Variants in KIF13B observed in about 807,000 individuals in gnomAD.
KIF13B encodes the protein kinesin family member 13B.
KIF13B carries 127 observed loss-of-function variants against 222.0 expected under a neutral mutation model. The ratio of observed to expected loss-of-function variants is 0.57; its 90% CI spans 0.50 to 0.66. The LOEUF (loss-of-function observed/expected upper bound fraction) is 0.66. KIF13B is among the 30% of genes least tolerant of loss of function. The pLI, the probability that KIF13B is intolerant of heterozygous loss-of-function variation, is 0.00. For synonymous variants in KIF13B, 976 were observed against 919.0 expected (o/e 1.06, Z -1.12); for missense variants, 2,173 against 2,379.0 (o/e 0.91, Z 1.80).
At chr8:29,262,279 G>T (rs904103197) in intron 1 of KIF13B, among the ~76,000 whole-genome samples, 4 of 152,216 alleles carry the variant, frequency 2.6e-5, no homozygotes, top group African/African-American at 9.6e-5. Flanking sequence ...GAGAATGTCA[G>T]AAAGATACAA....
At position 29,140,264 on chromosome 8, in the gene KIF13B, C is replaced by A; in HGVS notation, c.2485-73G>T. On this transcript the variant is annotated intron_variant, in intron 20 of 39. Coordinates refer to ENST00000524189, the MANE Select transcript of KIF13B (RefSeq NM_015254.4). The stretch of plus-strand genomic sequence containing the variant: ...GCTCCCTTGAGATGACCTCTCTTCT[C>A]TTTTACAGTCAAGTTGTCAGGTTAA... 3 of 1,580,408 alleles carry A rather than the reference C, an allele frequency of 1.9e-6. 1 individual carries two copies. In the South Asian group the frequency reaches 3.5e-5, roughly 18 times the overall value.
chr8:29,247,255 G>A (rs780775558), intron 1 of KIF13B, among the ~76,000 whole-genome samples: 1 of 152,116 alleles, frequency 6.6e-6, no homozygotes, highest in Non-Finnish European at 1.5e-5. Context: ...AGGTATGGTG[G>A]TACATACCTA....
intron 18 of KIF13B, 76 bp downstream of exon 18, chr8:29,146,302 C>G (rs780069768): frequency 6.0e-6 from 9 of 1,493,118 alleles, no homozygotes; most frequent in Non-Finnish European, 7.5e-6. Context: ...GGATCTGAAG[C>G]TTAAATAACA....
chr8:29,208,451 G>A (rs1379381020), intron 2 of KIF13B, among the ~76,000 whole-genome samples: 1 of 152,140 alleles, frequency 6.6e-6, no homozygotes, highest in African/African-American at 2.4e-5. Context: ...GGCCTCAGTG[G>A]GTCTGTGAAT....
At position 29,165,658 on chromosome 8, in the gene KIF13B, G is replaced by A. The variant is rs757242285; in HGVS notation, c.1269+4C>T. On this transcript the variant is annotated splice_donor_region_variant and intron_variant, in intron 12 of 39. Coordinates refer to ENST00000524189, the MANE Select transcript of KIF13B (RefSeq NM_015254.4). ...CATGCGCTTCATCATCAGGAAACACGAACCTGTGCAATCTCCTCCGTTTTC... is the reference window on the plus strand; with the variant it reads ...CATGCGCTTCATCATCAGGAAACACAAACCTGTGCAATCTCCTCCGTTTTC... The A allele has an allele frequency of 6.9e-6, 11 of 1,583,718 alleles. No individual in the cohort carries two copies. Among genetic ancestry groups the A allele is most frequent in the East Asian group, 2.2e-5 (1 of 44,760 alleles).
chr8:29,107,807 T>G (rs558867615), intron 35 of KIF13B, among the ~76,000 whole-genome samples: 21 of 152,100 alleles, frequency 1.4e-4, no homozygotes, highest in South Asian at 8.3e-4. Context: ...TGATCCGCCC[T>G]CCTTGGCCTC....
At chr8:29,169,508 G>A (rs999642725) in intron 10 of KIF13B, among the ~76,000 whole-genome samples, 1 of 152,144 alleles carries the variant, frequency 6.6e-6, no homozygotes. Flanking sequence ...GATTCCTAAG[G>A]TGTTACTAAA....
intron 2 of KIF13B, among the ~76,000 whole-genome samples, chr8:29,243,260 T>C (rs557612841): frequency 2.6e-5 from 4 of 151,620 alleles, no homozygotes; most frequent in South Asian, 2.1e-4. Flanking sequence ...GTCAGGAGAA[T>C]TGGTTGAACC....
chr8:29,195,405 C>T (rs1416084743), intron 3 of KIF13B, among the ~76,000 whole-genome samples: 4 of 151,944 alleles, frequency 2.6e-5, no homozygotes, highest in Admixed American at 2.0e-4. Flanking sequence ...GTCATTCAGT[C>T]CCTGTGGTTA....
intron 33 of KIF13B, 103 bp from the exon 34 acceptor site, chr8:29,109,614 CCTAG>C (rs1302830020): frequency 1.8e-5 from 17 of 931,352 alleles, no homozygotes; most frequent in Non-Finnish European, 3.0e-5. Flanking sequence ...TACAGACATT[CCTAG>C]CTATTTAAAC....
At chr8:29,205,920 CA>C (rs34524562) in intron 2 of KIF13B, among the ~76,000 whole-genome samples, 119,817 of 144,910 alleles carry the variant, frequency 0.83, 49,830 homozygotes, top group Non-Finnish European at 0.88. Flanking sequence ...CCATTTCTAC[CA>C]AAAAAAAAAA....
chr8:29,178,809 T>C (rs1309263088), intron 8 of KIF13B, among the ~76,000 whole-genome samples: 1 of 152,174 alleles, frequency 6.6e-6, no homozygotes, highest in Non-Finnish European at 1.5e-5. Context: ...AATATAGCAC[T>C]TTGCCAGGGT....
intron 36 of KIF13B, among the ~76,000 whole-genome samples, chr8:29,093,125 TCAG>T (rs971342460): frequency 9.1e-4 from 139 of 152,326 alleles, no homozygotes; most frequent in African/African-American, 3.2e-3. Flanking sequence ...AGTGTTCCTA[TCAG>T]CATCAGAACA....
intron 35 of KIF13B, among the ~76,000 whole-genome samples, chr8:29,105,951 T>C (rs1215755032): frequency 6.6e-6 from 1 of 152,130 alleles, no homozygotes; most frequent in South Asian, 2.1e-4. Flanking sequence ...GGCCAGAGTT[T>C]TCTTAACAGA....
chr8:29,134,109 A>C lies in KIF13B; in HGVS notation c.2715T>G (p.Pro905=). ...WDQQEPVIVA[P]EVDTSSSSVS... is the part of the protein sequence containing the mutation. ...CGGAAGAGGAGGAGGTGTCCACTTCAGGAGCGACAATCACCGGCTCCTGTT... is the reference window on the plus strand; with the variant it reads ...CGGAAGAGGAGGAGGTGTCCACTTCCGGAGCGACAATCACCGGCTCCTGTT... The change falls in exon 22 of 40, where the codon CCT becomes CCG. Residue 905 remains proline (P), a synonymous_variant. Transcript: ENST00000524189. The C allele has an allele frequency of 2.5e-6, 4 of 1,614,032 alleles. No homozygotes were observed. The highest frequency in any genetic ancestry group is 3.4e-6 in the Non-Finnish European group (4 of 1,179,882).
chr8:29,160,712 T>C (rs1388822771), intron 13 of KIF13B, 21 bp downstream of exon 13: 3 of 1,603,218 alleles, frequency 1.9e-6, no homozygotes, highest in African/African-American at 2.7e-5. Context: ...AAGAATCTAG[T>C]AGCAAAGCAC....
intron 1 of KIF13B, among the ~76,000 whole-genome samples, chr8:29,246,222 C>T (rs993659586): frequency 2.6e-5 from 4 of 151,938 alleles, no homozygotes; most frequent in African/African-American, 9.7e-5. Context: ...ACTAAAAATA[C>T]AAAAATCAGC....
chr8:29,146,328 C>T (rs755936377), intron 18 of KIF13B, 50 bp downstream of exon 18: 42 of 1,573,458 alleles, frequency 2.7e-5, no homozygotes, highest in Non-Finnish European at 3.5e-5. Flanking sequence ...AAATATCAGG[C>T]GATCTTATCC....
rs2129981270 is a variant in KIF13B, at chr8:29,146,449, C to A, written c.2116G>T (p.Glu706Ter). ...TTGTATTCTGTTCTTTTATCCAGCT[C>A]CTCAGCAATGTAATTAGCTTCTCTC... Reference protein sequence around the residue: ...LVREANYIAEELDKRTEYKVT... With the variant: ...LVREANYIAE Residue 706 changes from glutamate (E) to a stop codon, truncating the protein, a stop_gained, in exon 18 of 40, where the codon GAG becomes TAG. Transcript: ENST00000524189. LOFTEE classifies it high-confidence loss of function. 6.2e-7 allele frequency: 1 copy of A among 1,613,724 alleles called. No homozygotes were observed. Among genetic ancestry groups the A allele is most frequent in the Admixed American group, 1.7e-5 (1 of 60,008 alleles).
Sources: allele counts gnomAD v4.1 joint callset (sites outside exome capture counted in the v4.1 genomes callset), GRCh38; gene constraint gnomAD v4.1.1; transcripts MANE v1.5; gene names NCBI Gene and HGNC (gene_info 2026-07-23, HGNC 2026-07-21).